The following MIS18BP1 variants were observed in gnomAD, a reference collection of about 807,000 sequenced individuals.
The protein encoded by MIS18BP1 is mis18-binding protein 1.
Under a neutral mutation model 116.1 loss-of-function variants are expected in MIS18BP1, and 72 were observed. That is an observed-to-expected ratio of 0.62 (90% confidence interval 0.51 to 0.75). The LOEUF is 0.75. Among genes scored for constraint, MIS18BP1 ranks in the 30% least tolerant of loss-of-function variants. MIS18BP1 has a pLI of 0.00. For missense variants in MIS18BP1, 1,363 were observed against 1,303.2 expected, an observed-to-expected ratio of 1.05 and a Z score of -0.71; for synonymous variants, 386 against 427.0, an observed-to-expected ratio of 0.90 and a Z score of 1.18.
At position 45,242,820 on chromosome 14, in the gene MIS18BP1, A is replaced by T. The variant is rs577952247; in HGVS notation, c.599T>A (p.Val200Asp). The change falls in exon 3 of 17, where the codon GTC becomes GAC. Residue 200 changes from valine (V) to aspartate (D), a missense_variant. By Grantham distance (152) the Val-to-Asp change is radical (BLOSUM62 -3). Coordinates refer to ENST00000310806, the MANE Select transcript of MIS18BP1 (RefSeq NM_018353.5). Reference sequence around the variant, plus strand: ...CTGCTGGCACTGAATCTTTTGTTTGACCGGGAGGAAAATATCATTATTTGA... The same window carrying T: ...CTGCTGGCACTGAATCTTTTGTTTGTCCGGGAGGAAAATATCATTATTTGA... ...ESSNNDIFLPVKQKIQCQQEK... is the reference protein window; with the variant it reads ...ESSNNDIFLPDKQKIQCQQEK... 1.2e-6 allele frequency: 2 copies of T among 1,613,508 alleles called. No individual in the cohort carries two copies. Among genetic ancestry groups the T allele is most frequent in the Non-Finnish European group, 1.7e-6 (2 of 1,179,698 alleles).
intron 11 of MIS18BP1, 73 bp from the exon 12 acceptor site, chr14:45,218,527 C>A: frequency 1.5e-6 from 2 of 1,339,024 alleles, no homozygotes; most frequent in Non-Finnish European, 2.0e-6. Context: ...AAGCATAACA[C>A]TGAATTGATG....
rs781540776 is a variant in MIS18BP1 at position 45,242,832 on chromosome 14, A to G, written c.587T>C (p.Ile196Thr). The G allele has an allele frequency of 2.5e-6, 4 of 1,613,404 alleles. No individual in the cohort carries two copies. In the Admixed American group the frequency reaches 6.7e-5, roughly 27 times the overall value. ...GVPLESSNND[I>T]FLPVKQKIQC... ...AATCTTTTGTTTGACCGGGAGGAAA[A>G]TATCATTATTTGATGATTCTAGAGG... The change falls in exon 3 of 17, where the codon ATT becomes ACT. Residue 196 changes from isoleucine to threonine, a missense_variant. By Grantham distance (89) the Ile-to-Thr change is moderately conservative (BLOSUM62 -1). Transcript: ENST00000310806.
chr14:45,220,189 C>A (rs1368000083), intron 11 of MIS18BP1, among the ~76,000 whole-genome samples: 1 of 152,006 alleles, frequency 6.6e-6, no homozygotes, highest in Non-Finnish European at 1.5e-5. Flanking sequence ...CCTCCAACTT[C>A]TGGGCTCAGG....
At chr14:45,215,695 G>C (rs1890797751) in intron 13 of MIS18BP1, among the ~76,000 whole-genome samples, 2 of 149,818 alleles carry the variant, frequency 1.3e-5, no homozygotes, top group South Asian at 4.2e-4. Flanking sequence ...ACAGGTGTGA[G>C]CCACTGCACC....
At chr14:45,204,758 A>C (rs989323282) in intron 15 of MIS18BP1, among the ~76,000 whole-genome samples, 4 of 152,084 alleles carry the variant, frequency 2.6e-5, no homozygotes, top group Non-Finnish European at 5.9e-5. Flanking sequence ...AAAATGTGCT[A>C]AGTAATTAAG....
chr14:45,246,459 C>A (rs1891723587), intron 2 of MIS18BP1, among the ~76,000 whole-genome samples: 1 of 152,170 alleles, frequency 6.6e-6, no homozygotes, highest in African/African-American at 2.4e-5. Flanking sequence ...ATTCAAATTA[C>A]TGAAGATTAC....
At position 45,218,408 on chromosome 14, in the gene MIS18BP1, C is replaced by A. The variant is rs1320612044; in HGVS notation, c.2716G>T (p.Val906Leu). ...GATCGAGAACCTACAGCCGCAGCTACCTCTGACCAGAAACCAGGTTTGTGC... is the reference window on the plus strand; with the variant it reads ...GATCGAGAACCTACAGCCGCAGCTAACTCTGACCAGAAACCAGGTTTGTGC... The part of the protein sequence containing the change: ...PKHKPGFWSE[V>L]AAAVGSRSPE... Residue 906 changes from valine to leucine, a missense_variant, in exon 12 of 17, where the codon GTA becomes TTA. Physicochemically the swap from Val to Leu is conservative, Grantham distance 32. Transcript: ENST00000310806. 1.2e-6 allele frequency: 2 copies of A among 1,613,182 alleles called. No homozygotes were observed. Among genetic ancestry groups the A allele is most frequent in the East Asian group, 4.5e-5 (2 of 44,844 alleles).
chr14:45,218,441 G>A lies in MIS18BP1; in HGVS notation c.2683C>T (p.Leu895Phe), dbSNP rs1475077888. The change falls in exon 12 of 17, where the codon CTT (leucine) becomes TTT (phenylalanine). Residue 895 changes from leucine to phenylalanine, a missense_variant. Leu to Phe is a conservative substitution (Grantham distance 22). Transcript: ENST00000310806. ...LQKLHCAFAS[L>F]PKHKPGFWSE... ...CAGAAACCAGGTTTGTGCTTTGGAAGAGATGCAAAAGCACTATGGAAGATC... is the reference window on the plus strand; with the variant it reads ...CAGAAACCAGGTTTGTGCTTTGGAAAAGATGCAAAAGCACTATGGAAGATC... 6.2e-7 allele frequency: 1 copy of A among 1,604,626 alleles called. No individual in the cohort carries two copies.
chr14:45,227,903 G>T lies in MIS18BP1; in HGVS notation c.1595-89C>A. ...TGAAGAATTAACTTTGACGCTAGGT[G>T]TGGTGGCTCACGCCTGTAATCCCAG... On this transcript the variant is annotated intron_variant, in intron 8 of 16. Coordinates refer to ENST00000310806, the MANE Select transcript of MIS18BP1 (RefSeq NM_018353.5). 7.4e-6 allele frequency: 10 copies of T among 1,354,800 alleles called. No individual in the cohort carries two copies. The South Asian group carries it at 1.0e-4, about 14-fold the overall frequency. The allele number at this position is 1,354,800 out of a possible 1,614,324, so 83.9% of individuals were successfully genotyped here.
At chr14:45,214,080 G>A (rs925419742) in intron 13 of MIS18BP1, among the ~76,000 whole-genome samples, 1 of 152,216 alleles carries the variant, frequency 6.6e-6, no homozygotes, top group East Asian at 1.9e-4. Context: ...CCATGTGATA[G>A]CCTGAGATAT....
intron 13 of MIS18BP1, among the ~76,000 whole-genome samples, chr14:45,211,597 G>C (rs771277157): frequency 8.5e-5 from 13 of 152,178 alleles, no homozygotes; most frequent in Non-Finnish European, 1.6e-4. Context: ...ATCACACCTT[G>C]CTCTTGTTAT....
chr14:45,204,499 A>G (rs1364769117), intron 15 of MIS18BP1, 46 bp from the exon 16 acceptor site: 8 of 1,422,034 alleles, frequency 5.6e-6, no homozygotes, highest in Non-Finnish European at 7.7e-6. Flanking sequence ...CTCCTGGTGA[A>G]GTCTACCTCA....
intron 6 of MIS18BP1, among the ~76,000 whole-genome samples, chr14:45,235,220 A>C (rs911288035): frequency 6.6e-6 from 1 of 151,008 alleles, no homozygotes; most frequent in East Asian, 1.9e-4. Flanking sequence ...AAAAAAAAAA[A>C]AACAACCCCA....
intron 6 of MIS18BP1, among the ~76,000 whole-genome samples, chr14:45,234,088 A>G (rs1363374718): frequency 6.6e-6 from 1 of 152,150 alleles, no homozygotes; most frequent in East Asian, 1.9e-4. Context: ...GTATTAGAGA[A>G]GCTAAGTAAA....
intron 11 of MIS18BP1, among the ~76,000 whole-genome samples, chr14:45,219,793 C>T (rs184773234): frequency 5.1e-4 from 78 of 152,330 alleles, no homozygotes; most frequent in African/African-American, 1.6e-3. Flanking sequence ...ACTCAAGCTT[C>T]TCTATTTGTG....
At position 45,210,447 on chromosome 14, in the gene MIS18BP1, T is replaced by C. The variant is rs1474183498; in HGVS notation, c.3085A>G (p.Ile1029Val). 1 of 1,613,958 alleles carries C rather than the reference T, an allele frequency of 6.2e-7. No individual in the cohort carries two copies. Among genetic ancestry groups the C allele is most frequent in the Non-Finnish European group, 8.5e-7 (1 of 1,179,968 alleles). ...DKNPTTPSSV[I>V]FPLVKTPQCQ... ...TGAGGAGTTTTTACCAATGGAAAGA[T>C]AACTGATGATGGAGTTGTTGGATTT... The change falls in exon 14 of 17, where the codon ATC becomes GTC. Residue 1029 changes from isoleucine to valine, a missense_variant. By Grantham distance (29) the Ile-to-Val change is conservative. Transcript: ENST00000310806.
At position 45,246,823 on chromosome 14, in the gene MIS18BP1, T is replaced by C. The variant is rs765675926; in HGVS notation, c.464A>G (p.Lys155Arg). ...TAGGTAGGTATGCTGCAATTTTTTTTTTTCAACTCTGTTAGGAGTGAAGGT... is the reference window on the plus strand; with the variant it reads ...TAGGTAGGTATGCTGCAATTTTTTTCTTTCAACTCTGTTAGGAGTGAAGGT... ...NETFTPNRVE[K>R]KKLQHTYLCE... Residue 155 changes from lysine to arginine, a missense_variant, in exon 2 of 17, where the codon AAA (lysine) becomes AGA (arginine). Lys to Arg is a conservative substitution (Grantham distance 26). Transcript: ENST00000310806. The C allele has an allele frequency of 1.9e-6, 3 of 1,594,810 alleles. No individual in the cohort carries two copies. The highest frequency in any genetic ancestry group is 1.2e-5 in the South Asian group (1 of 85,958).
chr14:45,213,564 T>G (rs1232680837), intron 13 of MIS18BP1, among the ~76,000 whole-genome samples: 1 of 152,226 alleles, frequency 6.6e-6, no homozygotes, highest in Non-Finnish European at 1.5e-5. Flanking sequence ...TGTGGTCCAG[T>G]CTCTGTCCTA....
At chr14:45,248,180 C>T (rs540607182) in intron 1 of MIS18BP1, among the ~76,000 whole-genome samples, 1 of 151,190 alleles carries the variant, frequency 6.6e-6, no homozygotes, top group African/African-American at 2.4e-5. Flanking sequence ...TCTCCTGCCT[C>T]AGCCTCCCGA....
Sources: gnomAD v4.1 joint callset for allele counts (sites outside exome capture counted in the v4.1 genomes callset) on GRCh38, gnomAD v4.1.1 for gene constraint, MANE v1.5 for transcripts, NCBI Gene and HGNC (gene_info 2026-07-23, HGNC 2026-07-21) for gene names.